The following DHRS9 variants were observed in gnomAD, a reference collection of about 807,000 sequenced individuals.
The protein encoded by DHRS9 is dehydrogenase/reductase 9.
DHRS9 carries 18 observed loss-of-function variants against 26.6 expected under a neutral mutation model. The observed-to-expected ratio is 0.68, with a 90% CI of 0.47 to 1.00. The LOEUF (loss-of-function observed/expected upper bound fraction) is 1.00. Among genes scored for constraint, DHRS9 ranks in the 50% least tolerant of loss-of-function variants. The probability of loss-of-function intolerance (pLI) is 0.00; values close to 1 mark genes in which losing one functional copy is unlikely to be tolerated. For missense variants in DHRS9, 425 were observed against 378.7 expected, an observed-to-expected ratio of 1.12 and a Z score of -1.01; for synonymous variants, 134 against 141.1, an observed-to-expected ratio of 0.95 and a Z score of 0.36.
chr2:169,080,454 A>T (rs1224009101), intron 1 of DHRS9, among the ~76,000 whole-genome samples: 1 of 152,184 alleles, frequency 6.6e-6, no homozygotes, highest in African/African-American at 2.4e-5. Flanking sequence ...CTCAGACCTG[A>T]GGCAGCTGGC....
At chr2:169,079,249 A>C (rs1327029665) in intron 1 of DHRS9, among the ~76,000 whole-genome samples, 1 of 152,108 alleles carries the variant, frequency 6.6e-6, no homozygotes, top group Non-Finnish European at 1.5e-5. Context: ...AGTGAAGAAG[A>C]CATTACATTG....
At chr2:169,077,534 C>T (rs1232367447) in intron 1 of DHRS9, among the ~76,000 whole-genome samples, 1 of 151,682 alleles carries the variant, frequency 6.6e-6, no homozygotes, top group Non-Finnish European at 1.5e-5. Flanking sequence ...AAATCACAGG[C>T]AATACAAATA....
intron 3 of DHRS9, among the ~76,000 whole-genome samples, chr2:169,090,598 A>G (rs1267969487): frequency 6.6e-6 from 1 of 152,232 alleles, no homozygotes; most frequent in Non-Finnish European, 1.5e-5. Context: ...AAGTCCACTA[A>G]TAGAGCTTTT....
chr2:169,091,934 A>G lies in DHRS9; in HGVS notation c.717A>G (p.Gly239=). The G allele has an allele frequency of 6.2e-7, 1 of 1,613,914 alleles. No homozygotes were observed. Among genetic ancestry groups the G allele is most frequent in the Non-Finnish European group, 8.5e-7 (1 of 1,179,960 alleles). The change falls in exon 4 of 5, where the codon GGA becomes GGG. Residue 239 remains glycine, a synonymous_variant. Coordinates refer to ENST00000674881, the MANE Select transcript of DHRS9 (RefSeq NM_001376924.1). ...QLSPDIKQQY[G]EGYIEKSLDK... ...CTCCAGACATCAAACAACAATATGG[A>G]GAAGGTTACATTGAAAAAAGTGAGT...
At chr2:169,094,561 A>G (rs779086055) in intron 4 of DHRS9, among the ~76,000 whole-genome samples, 5 of 146,948 alleles carry the variant, frequency 3.4e-5, no homozygotes, top group African/African-American at 5.0e-5. Context: ...TTTTTTTTTT[A>G]ATAGAGATGA....
upstream of DHRS9, among the ~76,000 whole-genome samples, chr2:169,068,488 C>A (rs1683709696): frequency 6.6e-6 from 1 of 152,150 alleles, no homozygotes; most frequent in South Asian, 2.1e-4. Flanking sequence ...CCATGCCTGG[C>A]TAATTTTTTG....
chr2:169,080,025 G>GAAAGAAAA (rs1684130687), intron 1 of DHRS9, among the ~76,000 whole-genome samples: 6 of 118,342 alleles, frequency 5.1e-5, no homozygotes, highest in African/African-American at 1.9e-4. Flanking sequence ...AAGAAAGAAA[G>GAAAGAAAA]AAAGAAAGAA....
upstream of DHRS9, among the ~76,000 whole-genome samples, chr2:169,069,131 T>TA (rs549104281): frequency 2.2e-4 from 33 of 151,996 alleles, no homozygotes; most frequent in East Asian, 2.1e-3. Flanking sequence ...TCGCCCATCT[T>TA]AAAAAAAATG....
At chr2:169,079,392 C>A (rs1412251358) in intron 1 of DHRS9, among the ~76,000 whole-genome samples, 3 of 151,754 alleles carry the variant, frequency 2.0e-5, no homozygotes, top group Admixed American at 6.6e-5. Flanking sequence ...TTTACAAATA[C>A]AGAAGAAAAT....
rs548687465 is a variant in DHRS9, at chr2:169,081,762, C to T, written c.181C>T (p.Leu61=). 3.7e-6 allele frequency: 6 copies of T among 1,614,160 alleles called. No individual in the cohort carries two copies. The South Asian group carries it at 5.5e-5, about 15-fold the overall frequency. Residue 61 remains leucine (L), a synonymous_variant, in exon 2 of 5, where the codon CTG becomes TTG. Coordinates refer to ENST00000674881, the MANE Select transcript of DHRS9 (RefSeq NM_001376924.1). ...GGGATTTCATGTAATCGCTGCCTGT[C>T]TGACTGAATCAGGATCAACAGCTTT... ...KKGFHVIAAC[L]TESGSTALKA...
rs970738800 is a variant in DHRS9, at chr2:169,071,876, A to T, written c.-60+2159A>T. On this transcript the variant is annotated intron_variant, in intron 1 of 4. Transcript: ENST00000674881. The stretch of plus-strand genomic sequence containing the variant: ...TAGGGTCCCTTGGTGCCATTAAAAA[A>T]TTTTTTTTTCAGATTTCTGGGTGGA... Among the ~76,000 whole-genome samples the T allele has an allele frequency of 2.6e-4, 40 of 151,642 alleles. 1 individual carries two copies. The highest frequency in any genetic ancestry group is 1.7e-3 in the South Asian group (8 of 4,796).
intron 3 of DHRS9, among the ~76,000 whole-genome samples, chr2:169,088,374 G>A (rs1352261342): frequency 7.2e-5 from 11 of 152,200 alleles, no homozygotes; most frequent in Non-Finnish European, 1.6e-4. Flanking sequence ...GTCTATGGAG[G>A]AGGAGTAGCA....
In DHRS9 at chr2:169,081,639, G is replaced by A. The variant is rs767886605; in HGVS notation, c.58G>A (p.Gly20Arg). Reference protein sequence around the residue: ...ILCGFLWTRKGKLKIEDITDK... With the variant: ...ILCGFLWTRKRKLKIEDITDK... ...CTGTGGTTTTCTGTGGACTCGTAAA[G>A]GAAAACTAAAGATTGAAGACATCAC... The change falls in exon 2 of 5, where the codon GGA becomes AGA. Residue 20 changes from glycine to arginine, a missense_variant. Physicochemically the swap from Gly to Arg is moderately radical, Grantham distance 125. Coordinates refer to ENST00000674881, the MANE Select transcript of DHRS9 (RefSeq NM_001376924.1). The A allele has an allele frequency of 6.2e-7, 1 of 1,614,128 alleles. No individual in the cohort carries two copies. The highest frequency in any genetic ancestry group is 8.5e-7 in the Non-Finnish European group (1 of 1,180,014).
rs1683756100 is a variant in DHRS9 at position 169,070,141 on chromosome 2, TTGTC to T, written c.-60+429_-60+432del. Reference sequence around the variant, plus strand: ...TCTGTCAACTGCAGGTCTGATCTGTTTGTCTGTCCGCTTTATCAATATTATCAGA... The same window carrying T: ...TCTGTCAACTGCAGGTCTGATCTGTTTGTCCGCTTTATCAATATTATCAGA... On this transcript the variant is annotated intron_variant, in intron 1 of 4. Coordinates refer to ENST00000674881, the MANE Select transcript of DHRS9 (RefSeq NM_001376924.1). 7.1e-6 allele frequency: 7 copies of T among 985,324 alleles called. No homozygotes were observed. The South Asian group carries it at 2.8e-4, about 40-fold the overall frequency. 61.0% of individuals were successfully genotyped at this position (985,324 alleles called of 1,614,324 possible).
rs1684676673 is a variant in DHRS9 at position 169,095,716 on chromosome 2, C to A, written c.909C>A (p.Asp303Glu). 1 of 1,613,794 alleles carries A rather than the reference C, an allele frequency of 6.2e-7. No individual in the cohort carries two copies. Among genetic ancestry groups the A allele is most frequent in the African/African-American group, 1.3e-5 (1 of 74,898 alleles). The change falls in exon 5 of 5, where the codon GAC (aspartate) becomes GAA (glutamate). Residue 303 changes from aspartate (D) to glutamate (E), a missense_variant. Transcript: ENST00000674881. ...CTCACATGCCAGCAGCTTTGCAAGA[C>A]TTTTTATTGTTGAAACAGAAAGCAG... ...PLSHMPAALQ[D>E]FLLLKQKAEL...
intron 1 of DHRS9, chr2:169,070,088 A>ATATC: frequency 2.0e-6 from 2 of 985,430 alleles, no homozygotes; most frequent in Non-Finnish European, 2.4e-6. Flanking sequence ...GGATTCTTAG[A>ATATC]TGAGTTTCTT....
chr2:169,085,357 T>C (rs1167929453), intron 3 of DHRS9, among the ~76,000 whole-genome samples: 3 of 152,200 alleles, frequency 2.0e-5, no homozygotes, highest in Non-Finnish European at 4.4e-5. Flanking sequence ...GTTTTTTCTA[T>C]TTCTGTAAAG....
At chr2:169,091,285 A>G (rs939098074) in intron 3 of DHRS9, among the ~76,000 whole-genome samples, 8 of 118,050 alleles carry the variant, frequency 6.8e-5, no homozygotes, top group African/African-American at 3.0e-4. Flanking sequence ...ATAAAATAAA[A>G]TAAAATAAAA....
At chr2:169,080,721 C>T (rs1684155679) in intron 1 of DHRS9, among the ~76,000 whole-genome samples, 1 of 151,988 alleles carries the variant, frequency 6.6e-6, no homozygotes, top group Non-Finnish European at 1.5e-5. Flanking sequence ...TTCCGTTTTA[C>T]AGCATACATT....
Sources: gnomAD v4.1 joint callset for allele counts (sites outside exome capture counted in the v4.1 genomes callset) on GRCh38, gnomAD v4.1.1 for gene constraint, MANE v1.5 for transcripts, NCBI Gene and HGNC (gene_info 2026-07-23, HGNC 2026-07-21) for gene names.